The following CIMIP6 variants were observed in gnomAD, a reference collection of about 807,000 sequenced individuals.
The protein encoded by CIMIP6 is ciliary microtubule inner protein 6.
chr2:54,352,292 A>C, the CIMIP6 span, among the ~76,000 whole-genome samples: 1 of 151,844 alleles, frequency 6.6e-6, no homozygotes, highest in Non-Finnish European at 1.5e-5. Context: ...AAAGCATTAA[A>C]TTTGTTTTAT....
At chr2:54,337,416 T>G in the CIMIP6 span, among the ~76,000 whole-genome samples, 1 of 150,996 alleles carries the variant, frequency 6.6e-6, no homozygotes, top group Non-Finnish European at 1.5e-5. Context: ...AAATCAATTG[T>G]TATTGTTAGA....
chr2:54,334,445 G>A, the CIMIP6 span, among the ~76,000 whole-genome samples: 2 of 152,142 alleles, frequency 1.3e-5, no homozygotes, highest in Non-Finnish European at 2.9e-5. Context: ...CATTCTCTTG[G>A]TAATAAAACT....
At chr2:54,334,831 A>G in the CIMIP6 span, 1 of 1,543,480 alleles carries the variant, frequency 6.5e-7, no homozygotes, top group Non-Finnish European at 8.8e-7. Context: ...CATAAAATAG[A>G]GGATGCTGCT....
the CIMIP6 span, chr2:54,360,490 TCAAA>T: frequency 6.4e-7 from 1 of 1,572,588 alleles, no homozygotes; most frequent in Non-Finnish European, 8.6e-7. Flanking sequence ...CAGGCGCCAC[TCAAA>T]CAACTGTAGG....
At chr2:54,362,671 C>T in the CIMIP6 span, among the ~76,000 whole-genome samples, 2 of 152,208 alleles carry the variant, frequency 1.3e-5, no homozygotes, top group Admixed American at 1.3e-4. Context: ...CCTCAGCCTT[C>T]TGAGTGCTGG....
At chr2:54,358,599 C>T in the CIMIP6 span, among the ~76,000 whole-genome samples, 1 of 151,962 alleles carries the variant, frequency 6.6e-6, no homozygotes, top group African/African-American at 2.4e-5. Flanking sequence ...TCACCATGTT[C>T]CCCAGGCTAG....
At chr2:54,332,633 A>AT in the CIMIP6 span, among the ~76,000 whole-genome samples, 1 of 152,208 alleles carries the variant, frequency 6.6e-6, no homozygotes, top group Non-Finnish European at 1.5e-5. Flanking sequence ...CGAGTCATAT[A>AT]TTTCACACTT....
chr2:54,363,958 G>A, the CIMIP6 span, among the ~76,000 whole-genome samples: 2 of 152,232 alleles, frequency 1.3e-5, no homozygotes, highest in Non-Finnish European at 2.9e-5. Flanking sequence ...AGCCCAGTGA[G>A]TGGTTCCTAC....
chr2:54,359,210 C>G, the CIMIP6 span: 1 of 627,772 alleles, frequency 1.6e-6, no homozygotes, highest in African/African-American at 1.9e-5. Context: ...GAATGTTAGC[C>G]ACATACCATA....
the CIMIP6 span, among the ~76,000 whole-genome samples, chr2:54,359,675 G>A: frequency 1.3e-5 from 2 of 151,888 alleles, no homozygotes; most frequent in Non-Finnish European, 2.9e-5. Context: ...CTTAATACAT[G>A]TGTGTGGCAG....
At chr2:54,367,609 C>T in the CIMIP6 span, among the ~76,000 whole-genome samples, 1 of 152,020 alleles carries the variant, frequency 6.6e-6, no homozygotes, top group Non-Finnish European at 1.5e-5. Context: ...CTCTAAGGAA[C>T]ATGGCCCTAG....
the CIMIP6 span, among the ~76,000 whole-genome samples, chr2:54,346,186 C>T: frequency 6.6e-6 from 1 of 152,064 alleles, no homozygotes; most frequent in East Asian, 1.9e-4. Context: ...AATCTATAGA[C>T]ACGAGTTTAA....
the CIMIP6 span, among the ~76,000 whole-genome samples, chr2:54,353,546 G>T: frequency 5.3e-5 from 8 of 152,188 alleles, no homozygotes; most frequent in African/African-American, 1.2e-4. Context: ...GGAGTGGGGG[G>T]AGGGGGAAAC....
At chr2:54,370,417 G>A in the CIMIP6 span, among the ~76,000 whole-genome samples, 1 of 151,478 alleles carries the variant, frequency 6.6e-6, no homozygotes. Flanking sequence ...TCCACTCAAA[G>A]GTGTATTACA....
the CIMIP6 span, among the ~76,000 whole-genome samples, chr2:54,358,230 C>T: frequency 6.6e-6 from 1 of 152,150 alleles, no homozygotes; most frequent in African/African-American, 2.4e-5. Flanking sequence ...TCTTCCAATT[C>T]CATTAGTGCT....
chr2:54,342,816 T>A, the CIMIP6 span, among the ~76,000 whole-genome samples: 1 of 152,182 alleles, frequency 6.6e-6, no homozygotes, highest in Non-Finnish European at 1.5e-5. Flanking sequence ...TACCGGAAGT[T>A]ACTTTCATAT....
chr2:54,354,057 T>C, the CIMIP6 span, among the ~76,000 whole-genome samples: 1 of 152,144 alleles, frequency 6.6e-6, no homozygotes, highest in East Asian at 1.9e-4. Flanking sequence ...TCAATTCCAC[T>C]TTCCAGCATA....
the CIMIP6 span, among the ~76,000 whole-genome samples, chr2:54,346,386 A>C: frequency 6.6e-6 from 1 of 152,336 alleles, no homozygotes; most frequent in South Asian, 2.1e-4. Context: ...CAAAGGAACC[A>C]GTCTAAAAAC....
chr2:54,347,982 T>C, the CIMIP6 span, among the ~76,000 whole-genome samples: 1 of 152,238 alleles, frequency 6.6e-6, no homozygotes, highest in African/African-American at 2.4e-5. Flanking sequence ...TTCACTCTTA[T>C]TTAGTTCTTT....
Sources: gnomAD v4.1 joint callset for allele counts (sites outside exome capture counted in the v4.1 genomes callset) on GRCh38, gnomAD v4.1.1 for gene constraint, MANE v1.5 for transcripts, NCBI Gene and HGNC (gene_info 2026-07-23, HGNC 2026-07-21) for gene names.